The following SPSB3 variants were observed in gnomAD, a reference collection of about 807,000 sequenced individuals.
The protein encoded by SPSB3 is SPRY domain-containing SOCS box protein 3.
SPSB3 carries 18 observed loss-of-function variants against 29.5 expected under a neutral mutation model. The ratio of observed to expected loss-of-function variants is 0.61; its 90% confidence interval spans 0.42 to 0.91. The LOEUF is 0.91. Ranked by LOEUF, SPSB3 falls within the 40% of genes least tolerant of loss-of-function variation. The pLI, the probability that SPSB3 is intolerant of heterozygous loss-of-function variation, is 0.00. For missense variants in SPSB3, 540 were observed against 507.5 expected, an observed-to-expected ratio of 1.06 and a Z score of -0.61; for synonymous variants, 299 against 214.1, an observed-to-expected ratio of 1.40 and a Z score of -3.46.
chr16:1,780,110 TCA>T (rs1896663121), intron 2 of SPSB3: 1 of 151,096 alleles, frequency 6.6e-6, no homozygotes, highest in African/African-American at 2.5e-5. Flanking sequence ...CAGCACCAGG[TCA>T]CACAAGCAGC....
chr16:1,777,954 G>A lies in SPSB3; in HGVS notation c.587C>T (p.Ser196Phe). 6.2e-7 allele frequency: 1 copy of A among 1,612,788 alleles called. No homozygotes were observed. The highest frequency in any genetic ancestry group is 2.2e-5 in the East Asian group (1 of 44,870). The change falls in exon 5 of 7, where the codon TCC (serine) becomes TTC (phenylalanine). Residue 196 changes from serine to phenylalanine, a missense_variant. By Grantham distance (155) the Ser-to-Phe change is radical. Coordinates refer to ENST00000566339, the MANE Select transcript of SPSB3 (RefSeq NM_080861.4). The part of the protein sequence containing the change: ...LGRDEDSWGL[S>F]YTGLLHHKGD... ...CCCTGGGCCTCACGCACCCGTGTAGGAGAGGCCCCAGCTGTCCTCATCCCT... is the reference window on the plus strand; with the variant it reads ...CCCTGGGCCTCACGCACCCGTGTAGAAGAGGCCCCAGCTGTCCTCATCCCT...
rs1191817247 is a variant in SPSB3, at chr16:1,781,488, G to GA, written c.-6dup. On this transcript the variant is annotated 5_prime_UTR_variant, in exon 2 of 7. Transcript: ENST00000566339. ...GTTCCGGGGGCGTCTGGCCATGGTG[G>GA]AAAGAATCTAGAAGAAAACACAGGC... is the stretch of plus-strand genomic sequence containing the variant. The GA allele has an allele frequency of 1.9e-6, 3 of 1,611,686 alleles. No homozygotes were observed. The highest frequency in any genetic ancestry group is 1.7e-6 in the Non-Finnish European group (2 of 1,179,526).
Position 1,777,792 on chromosome 16 carries a change from T to C in SPSB3, c.676A>G (p.Thr226Ala). The C allele has an allele frequency of 1.9e-6, 3 of 1,612,872 alleles. No individual in the cohort carries two copies. In the South Asian group the frequency reaches 3.3e-5, roughly 18 times the overall value. Residue 226 changes from threonine (T) to alanine (A), a missense_variant, in exon 6 of 7, where the codon ACC becomes GCC. Coordinates refer to ENST00000566339, the MANE Select transcript of SPSB3 (RefSeq NM_080861.4). The stretch of plus-strand genomic sequence containing the variant: ...AAAAAGGTGAGTGTGCCGTGCCAGG[T>C]GTCCAGGTGCACGCCAATGATGGAG... The part of the protein sequence containing the change: ...QGSIIGVHLD[T>A]WHGTLTFFKN...
Position 1,778,564 on chromosome 16 carries a change from T to C in SPSB3, c.175A>G (p.Ile59Val), listed in dbSNP as rs746953075. 6.3e-6 allele frequency: 10 copies of C among 1,599,554 alleles called. No homozygotes were observed. In the Admixed American group the frequency reaches 1.5e-4, roughly 24 times the overall value. The change falls in exon 3 of 7, where the codon ATC becomes GTC. Residue 59 changes from isoleucine to valine, a missense_variant. Coordinates refer to ENST00000566339, the MANE Select transcript of SPSB3 (RefSeq NM_080861.4). ...DPEYSTLPPS[I>V]PSAVPVTGES... The stretch of plus-strand genomic sequence containing the variant: ...CCGGTCACGGGCACCGCACTGGGGA[T>C]GGATGGCGGCAGCGTGGAGTACTCG...
intron 2 of SPSB3, chr16:1,778,874 T>A (rs973252567): frequency 2.3e-5 from 9 of 393,892 alleles, no homozygotes; most frequent in South Asian, 1.4e-4. Context: ...TCCAAGTGGT[T>A]TCTAGACGGT....
chr16:1,778,708 C>G, intron 2 of SPSB3, 96 bp from the exon 3 acceptor site: 1 of 1,403,098 alleles, frequency 7.1e-7, no homozygotes, highest in African/African-American at 1.4e-5. Flanking sequence ...CTGACCCACC[C>G]AGGAAAGGAT....
Position 1,777,235 on chromosome 16 carries a change from G to T in SPSB3, c.930C>A (p.His310Gln). The change falls in exon 7 of 7, where the codon CAC becomes CAA. Residue 310 changes from histidine (H) to glutamine (Q), a missense_variant. His to Gln is a conservative substitution (Grantham distance 24). Transcript: ENST00000566339. Reference sequence around the variant, plus strand: ...TGCTCAGGACCCAGCCCAGCTTGTTGTGTAGCACCTGCTTGAGGCCCGGCG... The same window carrying T: ...TGCTCAGGACCCAGCCCAGCTTGTTTTGTAGCACCTGCTTGAGGCCCGGCG... ...PLPPGLKQVLHNKLGWVLSMS... is the reference protein window; with the variant it reads ...PLPPGLKQVLQNKLGWVLSMS... 6.2e-7 allele frequency: 1 copy of T among 1,610,824 alleles called. No homozygotes were observed. The highest frequency in any genetic ancestry group is 1.1e-5 in the South Asian group (1 of 91,084).
rs371589211 is a variant in SPSB3 at position 1,778,101 on chromosome 16, T to C, written c.492+33A>G. The C allele has an allele frequency of 5.0e-6, 8 of 1,612,728 alleles. No homozygotes were observed. In the African/African-American group the frequency reaches 1.1e-4, roughly 22 times the overall value. On this transcript the variant is annotated intron_variant, in intron 4 of 6. Transcript: ENST00000566339. ...CGGGGCTGGGCTGCCGGAGCCAGGT[T>C]CCCCAGAAGCACCCTGGGCCGAAGC...
At position 1,777,739 on chromosome 16, in the gene SPSB3, G is replaced by A. The variant is rs764105771; in HGVS notation, c.721+8C>T. ...CTGAGAGGAGCTCAAGTCCTGTGAC[G>A]GCCTCACCTATACACTTCCTGTTCT... On this transcript the variant is annotated splice_region_variant and intron_variant, in intron 6 of 6. Coordinates refer to ENST00000566339, the MANE Select transcript of SPSB3 (RefSeq NM_080861.4). 33 of 1,611,324 alleles carry A rather than the reference G, an allele frequency of 2.0e-5. No individual in the cohort carries two copies. The highest frequency in any genetic ancestry group is 1.9e-4 in the Middle Eastern group (1 of 5,332).
intron 2 of SPSB3, chr16:1,779,950 T>A: frequency 6.6e-6 from 1 of 152,068 alleles, no homozygotes; most frequent in East Asian, 1.9e-4. Context: ...CCCCACCCGG[T>A]GGGTAAGGAC....
intron 2 of SPSB3, 169 bp downstream of exon 2, chr16:1,781,189 T>C (rs1413242671): frequency 6.5e-7 from 1 of 1,543,640 alleles, no homozygotes; most frequent in African/African-American, 1.4e-5. Context: ...TTAAAGAGTC[T>C]TACTGAATGC....
rs375390717 is a variant in SPSB3 at position 1,778,628 on chromosome 16, C to A, written c.127-16G>T. On this transcript the variant is annotated splice_polypyrimidine_tract_variant and intron_variant, in intron 2 of 6. Coordinates refer to ENST00000566339, the MANE Select transcript of SPSB3 (RefSeq NM_080861.4). ...AGTCGCTGTGCTGGGAGAGAAGGGCCGGCTGTTACTACCTGTTGCCCGCTC... is the reference window on the plus strand; with the variant it reads ...AGTCGCTGTGCTGGGAGAGAAGGGCAGGCTGTTACTACCTGTTGCCCGCTC... 5 of 1,532,570 alleles carry A rather than the reference C, an allele frequency of 3.3e-6. No homozygotes were observed. Among genetic ancestry groups the A allele is most frequent in the Non-Finnish European group, 4.4e-6 (5 of 1,139,306 alleles). 94.9% of individuals were successfully genotyped at this position (1,532,570 alleles called of 1,614,324 possible).
intron 2 of SPSB3, 157 bp downstream of exon 2, chr16:1,781,201 G>T: frequency 6.4e-7 from 1 of 1,557,696 alleles, no homozygotes; most frequent in Non-Finnish European, 8.6e-7. Context: ...ACTGAATGCG[G>T]TGCATCCAGG....
rs749455199 is a variant in SPSB3, at chr16:1,781,338, C to T, written c.126+20G>A. The T allele has an allele frequency of 6.2e-7, 1 of 1,612,948 alleles. No homozygotes were observed. Among genetic ancestry groups the T allele is most frequent in the South Asian group, 1.1e-5 (1 of 91,088 alleles). On this transcript the variant is annotated intron_variant, in intron 2 of 6. Transcript: ENST00000566339. The stretch of plus-strand genomic sequence containing the variant: ...CCACACCTTAGGCCAGCCACGTCCG[C>T]CTCGCCCGCTGGAACCTACCTGCCC...
Position 1,778,118 on chromosome 16 carries a change from G to T in SPSB3, c.492+16C>A. 6.2e-7 allele frequency: 1 copy of T among 1,612,820 alleles called. No homozygotes were observed. Among genetic ancestry groups the T allele is most frequent in the Non-Finnish European group, 8.5e-7 (1 of 1,179,792 alleles). On this transcript the variant is annotated intron_variant, in intron 4 of 6. Coordinates refer to ENST00000566339, the MANE Select transcript of SPSB3 (RefSeq NM_080861.4). ...AGCCAGGTTCCCCAGAAGCACCCTG[G>T]GCCGAAGCAACTTACCATGTCGGTG... is the stretch of plus-strand genomic sequence containing the variant.
intron 2 of SPSB3, chr16:1,779,796 C>T (rs775384790): frequency 6.6e-6 from 1 of 152,254 alleles, no homozygotes; most frequent in South Asian, 2.1e-4. Flanking sequence ...CGAACACTGC[C>T]GAGCCCGCAG....
intron 2 of SPSB3, chr16:1,780,974 C>A: frequency 2.7e-6 from 1 of 372,654 alleles, no homozygotes; most frequent in South Asian, 2.2e-5. Flanking sequence ...CTCAAGTGGT[C>A]CTCCAGCTTC....
chr16:1,777,520 C>G (rs370689948), intron 6 of SPSB3, 77 bp from the exon 7 acceptor site: 1 of 1,410,742 alleles, frequency 7.1e-7, no homozygotes, highest in African/African-American at 1.4e-5. Context: ...AGACCTCACG[C>G]TACAGTCACC....
chr16:1,778,636 A>T, intron 2 of SPSB3, 24 bp from the exon 3 acceptor site: 2 of 1,528,106 alleles, frequency 1.3e-6, no homozygotes, highest in Non-Finnish European at 8.8e-7. Context: ...GCCGGCTGTT[A>T]CTACCTGTTG....
Sources: gnomAD v4.1 joint callset for allele counts on GRCh38, gnomAD v4.1.1 for gene constraint, MANE v1.5 for transcripts, NCBI Gene and HGNC (gene_info 2026-07-23, HGNC 2026-07-21) for gene names.